Variants in USP42 observed in about 807,000 individuals in gnomAD.
USP42 encodes the protein ubiquitin specific peptidase 42, also known as ubiquitin carboxyl-terminal hydrolase 42.
A neutral mutation model predicts 113.0 loss-of-function variants in USP42; 23 were observed. The observed-to-expected ratio is 0.20, with a 90% confidence interval of 0.15 to 0.29. The LOEUF (loss-of-function observed/expected upper bound fraction) is 0.29, where lower values mean the gene tolerates loss of function less well. Ranked by LOEUF, USP42 falls within the 10% of genes least tolerant of loss-of-function variation. The pLI is 1.00. For synonymous variants in USP42, 933 were observed against 699.0 expected (o/e 1.33, Z -5.28); for missense variants, 2,174 against 1,779.8 (o/e 1.22, Z -3.99).
intron 2 of USP42, among the ~76,000 whole-genome samples, chr7:6,112,809 C>G (rs991942304): frequency 2.6e-5 from 4 of 151,838 alleles, no homozygotes; most frequent in Non-Finnish European, 4.4e-5. Context: ...AATTTGTCTT[C>G]CAGTGTGGCC....
rs1216272943 is a variant in USP42 at position 6,154,520 on chromosome 7, A to G, written c.2966A>G (p.Asp989Gly). 6 of 1,540,224 alleles carry G rather than the reference A, an allele frequency of 3.9e-6. No homozygotes were observed. Among genetic ancestry groups the G allele is most frequent in the South Asian group, 2.4e-5 (2 of 83,592 alleles). The change falls in exon 15 of 18, where the codon GAC becomes GGC. Residue 989 changes from aspartate (D) to glycine (G), a missense_variant. Asp to Gly is a moderately conservative substitution (Grantham distance 94, BLOSUM62 -1). Coordinates refer to ENST00000306177, the MANE Select transcript of USP42 (RefSeq NM_032172.3). ...CGCCGCACCTGCCCCCGGGAGCGCGACCGCCAGGACCGCCACGCCCCGGAG... is the reference window on the plus strand; with the variant it reads ...CGCCGCACCTGCCCCCGGGAGCGCGGCCGCCAGGACCGCCACGCCCCGGAG... ...RRRRTCPRERDRQDRHAPEHH... is the reference protein window; with the variant it reads ...RRRRTCPRERGRQDRHAPEHH...
chr7:6,115,599 A>C, intron 3 of USP42, 76 bp downstream of exon 3: 1 of 1,518,016 alleles, frequency 6.6e-7, no homozygotes, highest in Non-Finnish European at 9.0e-7. Context: ...AATGAAAGTG[A>C]AGAATTAATC....
At position 6,143,537 on chromosome 7, in the gene USP42, G is replaced by C. The variant is rs991878183; in HGVS notation, c.878+523G>C. Reference sequence around the variant, plus strand: ...GTGCCTATTTTAAGAAAGCTCTTTTGTATGTTTTTAAGTAGATTTCCACTT... The same window carrying C: ...GTGCCTATTTTAAGAAAGCTCTTTTCTATGTTTTTAAGTAGATTTCCACTT... On this transcript the variant is annotated intron_variant, in intron 8 of 17. Transcript: ENST00000306177. Among the ~76,000 whole-genome samples, 7 of 152,184 alleles carry C rather than the reference G, an allele frequency of 4.6e-5. No homozygotes were observed. The South Asian group carries it at 8.3e-4, about 18-fold the overall frequency.
At chr7:6,106,517 A>G (rs1779287403) in intron 1 of USP42, among the ~76,000 whole-genome samples, 1 of 152,192 alleles carries the variant, frequency 6.6e-6, no homozygotes, top group African/African-American at 2.4e-5. Flanking sequence ...AAAGCAAAGG[A>G]AACACTTGTG....
At chr7:6,107,822 C>T (rs1031353354) in intron 1 of USP42, among the ~76,000 whole-genome samples, 2 of 152,018 alleles carry the variant, frequency 1.3e-5, no homozygotes, top group Admixed American at 1.3e-4. Context: ...AAGGCTCAAG[C>T]TTTCTTCCTG....
At chr7:6,086,851 G>C in the USP42 span, among the ~76,000 whole-genome samples, 3 of 150,086 alleles carry the variant, frequency 2.0e-5, no homozygotes, top group East Asian at 3.9e-4. Context: ...TCAGCCTCCC[G>C]AGTAGCTGGA....
intron 14 of USP42, among the ~76,000 whole-genome samples, chr7:6,150,995 G>A (rs932224609): frequency 5.3e-5 from 8 of 152,380 alleles, no homozygotes; most frequent in Middle Eastern, 3.4e-3. Context: ...TAGATGGTGT[G>A]TCCTGCGGCT....
chr7:6,151,729 C>T (rs1339265121), intron 14 of USP42, among the ~76,000 whole-genome samples: 3 of 152,216 alleles, frequency 2.0e-5, no homozygotes, highest in Non-Finnish European at 4.4e-5. Flanking sequence ...AGACGTGAGC[C>T]ACCGTGCCCG....
upstream of USP42, among the ~76,000 whole-genome samples, chr7:6,103,951 G>A (rs1779102506): frequency 1.3e-5 from 2 of 151,174 alleles, no homozygotes; most frequent in South Asian, 4.1e-4. Context: ...GGGCGTGGTA[G>A]CGCGCGTCCG....
the USP42 span, chr7:6,088,811 G>A: frequency 6.6e-6 from 1 of 150,994 alleles, no homozygotes; most frequent in Non-Finnish European, 1.5e-5. Flanking sequence ...GAAGCCTGAA[G>A]TGTTCCAAGC....
At chr7:6,109,285 G>C (rs928899943) in intron 1 of USP42, among the ~76,000 whole-genome samples, 4 of 152,180 alleles carry the variant, frequency 2.6e-5, no homozygotes, top group African/African-American at 9.7e-5. Context: ...GAACGTGACG[G>C]AGAGGGTGTT....
chr7:6,154,377 A>G lies in USP42; in HGVS notation c.2823A>G (p.Lys941=). 6.3e-7 allele frequency: 1 copy of G among 1,576,826 alleles called. No homozygotes were observed. The highest frequency in any genetic ancestry group is 1.2e-5 in the South Asian group (1 of 86,154). ...KAPGPSPAKE[K]IGSLRKVDRG... ...CAGGCCCTTCCCCAGCGAAGGAGAAAATCGGCAGCCTCAGAAAGGTGGACC... is the reference window on the plus strand; with the variant it reads ...CAGGCCCTTCCCCAGCGAAGGAGAAGATCGGCAGCCTCAGAAAGGTGGACC... The change falls in exon 15 of 18, where the codon AAA becomes AAG. Residue 941 remains lysine, a synonymous_variant. Coordinates refer to ENST00000306177, the MANE Select transcript of USP42 (RefSeq NM_032172.3).
chr7:6,115,160 C>T (rs117692126), intron 2 of USP42, among the ~76,000 whole-genome samples, 163 bp from the exon 3 acceptor site: 2,033 of 152,218 alleles, frequency 0.013, 28 homozygotes, highest in Middle Eastern at 0.061. Context: ...TTCTCATGTT[C>T]TGGTTTCTGT....
At chr7:6,121,993 T>G (rs1780251375) in intron 3 of USP42, among the ~76,000 whole-genome samples, 1 of 152,214 alleles carries the variant, frequency 6.6e-6, no homozygotes, top group Non-Finnish European at 1.5e-5. Context: ...ACCAGAAGTT[T>G]TTTAATGTTA....
intron 15 of USP42, 72 bp downstream of exon 15, chr7:6,155,267 C>T (rs1290333928): frequency 1.4e-6 from 2 of 1,448,914 alleles, no homozygotes; most frequent in South Asian, 1.5e-5. Context: ...CCTTCTCACT[C>T]GACTCAGGAA....
At chr7:6,116,674 G>T in intron 3 of USP42, 1 of 456,914 alleles carries the variant, frequency 2.2e-6, no homozygotes, top group Non-Finnish European at 4.2e-6. Context: ...AAAGAATTTG[G>T]AAAGTACAGA....
At chr7:6,148,922 C>CGAAA in intron 12 of USP42, among the ~76,000 whole-genome samples, 1 of 152,302 alleles carries the variant, frequency 6.6e-6, no homozygotes, top group East Asian at 1.9e-4. Context: ...ATTGCTTTTC[C>CGAAA]AAAGCCTGTT....
At chr7:6,133,119 A>G (rs1001456554) in intron 3 of USP42, among the ~76,000 whole-genome samples, 1 of 152,202 alleles carries the variant, frequency 6.6e-6, no homozygotes, top group African/African-American at 2.4e-5. Flanking sequence ...AATTTGGACA[A>G]CTTTCAGTGA....
At chr7:6,112,318 G>A (rs1444823721) in intron 2 of USP42, among the ~76,000 whole-genome samples, 1 of 152,052 alleles carries the variant, frequency 6.6e-6, no homozygotes, top group Non-Finnish European at 1.5e-5. Context: ...GCATGGTGGT[G>A]TGTGCCTATA....
Sources: gnomAD v4.1 joint callset for allele counts (sites outside exome capture counted in the v4.1 genomes callset) on GRCh38, gnomAD v4.1.1 for gene constraint, MANE v1.5 for transcripts, NCBI Gene and HGNC (gene_info 2026-07-23, HGNC 2026-07-21) for gene names.